MTUS2: variants seen among roughly 807,000 people sequenced by gnomAD.
MTUS2 encodes the protein microtubule associated scaffold protein 2.
In MTUS2, 40 loss-of-function variants were observed where a neutral mutation model predicts 114.1. The ratio of observed to expected loss-of-function variants is 0.35; its 90% CI spans 0.27 to 0.46. The LOEUF (loss-of-function observed/expected upper bound fraction) is 0.46. MTUS2 is among the 20% of genes least tolerant of loss of function. The pLI, the probability that MTUS2 is intolerant of heterozygous loss-of-function variation, is 1.00. For synonymous variants in MTUS2, 688 were observed against 672.0 expected, an observed-to-expected ratio of 1.02 and a Z score of -0.37; for missense variants, 1,679 against 1,705.4, an observed-to-expected ratio of 0.98 and a Z score of 0.27.
intron 8 of MTUS2, among the ~76,000 whole-genome samples, chr13:29,360,029 C>T (rs574888689): frequency 6.6e-6 from 1 of 152,290 alleles, no homozygotes; most frequent in East Asian, 1.9e-4. Flanking sequence ...GTTGGTTTCT[C>T]CTCTGCAAAT....
intron 5 of MTUS2, among the ~76,000 whole-genome samples, chr13:29,281,360 A>G (rs969165047): frequency 1.3e-5 from 2 of 152,134 alleles, no homozygotes; most frequent in African/African-American, 4.8e-5. Context: ...TTATATACAC[A>G]TACATTTGCA....
rs550825988 is a variant in MTUS2, at chr13:29,500,772, G to C, written c.3799-325G>C. On this transcript the variant is annotated intron_variant, in intron 14 of 15. Coordinates refer to ENST00000612955, the MANE Select transcript of MTUS2 (RefSeq NM_001033602.4). ...AAGGGCCTGAGGACATTCACTATAA[G>C]AAATACATTTTACATCAGAAACACA... 1.0e-4 allele frequency among the ~76,000 whole-genome samples: 15 copies of C among 144,328 alleles called. No homozygotes were observed. The South Asian group carries it at 3.1e-3, about 30-fold the overall frequency. 94.7% of individuals were successfully genotyped at this position (144,328 alleles called of 152,430 possible).
chr13:29,392,146 C>CAAAAAAAAAAAAAAAACA, intron 8 of MTUS2, among the ~76,000 whole-genome samples: 1 of 137,158 alleles, frequency 7.3e-6, no homozygotes, highest in African/African-American at 2.8e-5. Context: ...AAAAACAAAC[C>CAAAAAAAAAAAAAAAACA]AAAAAAAAAA....
At chr13:29,365,439 G>A (rs1476982676) in intron 8 of MTUS2, among the ~76,000 whole-genome samples, 1 of 151,748 alleles carries the variant, frequency 6.6e-6, no homozygotes, top group African/African-American at 2.4e-5. Context: ...ACCTGACCAA[G>A]GTGAAAACTA....
chr13:29,255,116 C>T (rs565445784), intron 5 of MTUS2, among the ~76,000 whole-genome samples: 24 of 152,262 alleles, frequency 1.6e-4, no homozygotes, highest in East Asian at 9.7e-4. Flanking sequence ...AGTATCTCCC[C>T]GGTGAACATT....
chr13:28,935,463 C>CT lies in MTUS2; in HGVS notation c.-242-88984dup, dbSNP rs537100043. On this transcript the variant is annotated intron_variant, in intron 2 of 15. Coordinates refer to ENST00000612955, the MANE Select transcript of MTUS2 (RefSeq NM_001033602.4). ...ACTTGTTCTACATCCTCACCAAAGC[C>CT]TTTTTTTTTTCTCCTTTGGTTTTGA... Among the ~76,000 whole-genome samples, 100 of 148,600 alleles carry CT rather than the reference C, an allele frequency of 6.7e-4. 1 individual carries two copies. In the South Asian group the frequency reaches 0.013, roughly 19 times the overall value.
chr13:29,203,883 G>A (rs1004519860), intron 5 of MTUS2, among the ~76,000 whole-genome samples: 1 of 151,884 alleles, frequency 6.6e-6, no homozygotes, highest in African/African-American at 2.4e-5. Flanking sequence ...AGTGAGATGA[G>A]CCTTGTACCT....
At chr13:28,878,271 A>G (rs1878074780) in intron 2 of MTUS2, among the ~76,000 whole-genome samples, 1 of 150,176 alleles carries the variant, frequency 6.7e-6, no homozygotes, top group Non-Finnish European at 1.5e-5. Flanking sequence ...GTATATGTGT[A>G]TATATGTGTG....
intron 5 of MTUS2, among the ~76,000 whole-genome samples, chr13:29,230,389 T>C (rs1326285516): frequency 6.6e-6 from 1 of 152,270 alleles, no homozygotes; most frequent in Non-Finnish European, 1.5e-5. Flanking sequence ...GGTTGCTGCT[T>C]TCTTCTCTAC....
intron 5 of MTUS2, among the ~76,000 whole-genome samples, chr13:29,210,040 T>G (rs1210366450): frequency 6.6e-6 from 1 of 152,168 alleles, no homozygotes; most frequent in African/African-American, 2.4e-5. Context: ...ACTTTCAGAT[T>G]TCTTTCTTAG....
At chr13:29,195,532 T>A (rs1593586470) in intron 5 of MTUS2, among the ~76,000 whole-genome samples, 2 of 117,318 alleles carry the variant, frequency 1.7e-5, no homozygotes, top group South Asian at 3.0e-4. Flanking sequence ...GATTAAAACT[T>A]AATTCTGAAA....
intron 4 of MTUS2, among the ~76,000 whole-genome samples, chr13:29,047,512 C>CTTT (rs11367692): frequency 2.2e-5 from 3 of 135,776 alleles, no homozygotes; most frequent in Admixed American, 1.5e-4. Context: ...AAAATTTACT[C>CTTT]TTTTTTTTTT....
At chr13:29,101,084 A>T (rs1890399884) in intron 5 of MTUS2, 114 bp downstream of exon 5, 1 of 1,137,236 alleles carries the variant, frequency 8.8e-7, no homozygotes, top group African/African-American at 1.6e-5. Flanking sequence ...CACCTCCCTT[A>T]GCTTCCCATT....
chr13:29,322,027 G>A (rs1238416987), intron 6 of MTUS2, among the ~76,000 whole-genome samples: 2 of 152,114 alleles, frequency 1.3e-5, no homozygotes, highest in African/African-American at 4.8e-5. Context: ...TGTTATATAT[G>A]TTATAATTTA....
chr13:29,489,673 A>G (rs1267306332), intron 11 of MTUS2: 1 of 152,240 alleles, frequency 6.6e-6, no homozygotes, highest in Admixed American at 6.5e-5. Flanking sequence ...AGGCATCAGA[A>G]GGCTTTAAAA....
chr13:29,386,701 A>G (rs532316839), intron 8 of MTUS2, among the ~76,000 whole-genome samples: 12 of 152,298 alleles, frequency 7.9e-5, no homozygotes, highest in African/African-American at 2.9e-4. Flanking sequence ...CATGTATATT[A>G]TGTACATTGT....
At chr13:28,960,379 G>A (rs1018460912) in intron 2 of MTUS2, among the ~76,000 whole-genome samples, 1 of 152,112 alleles carries the variant, frequency 6.6e-6, no homozygotes, top group African/African-American at 2.4e-5. Context: ...TTAGTCCTAG[G>A]TATATATCCA....
At chr13:29,407,932 T>G (rs185354736) in intron 8 of MTUS2, among the ~76,000 whole-genome samples, 3 of 152,340 alleles carry the variant, frequency 2.0e-5, no homozygotes, top group East Asian at 3.9e-4. Context: ...TTTCACTAAT[T>G]ATTATTTAAG....
chr13:29,281,713 T>G lies in MTUS2; in HGVS notation c.2654T>G (p.Phe885Cys). The G allele has an allele frequency of 6.2e-7, 1 of 1,607,508 alleles. No homozygotes were observed. The highest frequency in any genetic ancestry group is 1.1e-5 in the South Asian group (1 of 90,718). ...TGTCTGCCTCCCACAGGTTCAACCT[T>G]TGGGAATGAAGAACAGCCAGTTCTG... The part of the protein sequence containing the change: ...EQGRPATRST[F>C]GNEEQPVLKA... The change falls in exon 6 of 16, where the codon TTT (phenylalanine) becomes TGT (cysteine). Residue 885 changes from phenylalanine to cysteine, a missense_variant. Around this residue, in one of 3 missense-constraint regions of MTUS2, gnomAD observed 822 missense variants for 899.7 expected, o/e 0.91. Coordinates refer to ENST00000612955, the MANE Select transcript of MTUS2 (RefSeq NM_001033602.4).
Sources: allele counts gnomAD v4.1 joint callset (sites outside exome capture counted in the v4.1 genomes callset), GRCh38; gene constraint gnomAD v4.1.1; regional missense constraint gnomAD v4.1.1; transcripts MANE v1.5; gene names NCBI Gene and HGNC (gene_info 2026-07-23, HGNC 2026-07-21).